The following RYR2 variants were observed in gnomAD, a reference collection of about 807,000 sequenced individuals.
The protein encoded by RYR2 is ryanodine receptor 2.
Under a neutral mutation model 601.1 loss-of-function variants are expected in RYR2, and 227 were observed. That is an observed-to-expected ratio of 0.38 (90% CI 0.34 to 0.42). The LOEUF (loss-of-function observed/expected upper bound fraction) is 0.42. RYR2 is among the 10% of genes least tolerant of loss of function. RYR2 has a pLI of 1.00. For missense variants in RYR2, 4,646 were observed against 6,156.5 expected (o/e 0.75, Z 8.21); for synonymous variants, 2,223 against 2,175.1 (o/e 1.02, Z -0.61).
At chr1:237,638,249 G>C (rs868011275) in intron 44 of RYR2, 108 bp from the exon 45 acceptor site, 1 of 1,463,086 alleles carries the variant, frequency 6.8e-7, no homozygotes, top group African/African-American at 1.4e-5. Flanking sequence ...TTGCAAAAAT[G>C]CATTTGTTTA....
At chr1:237,055,172 G>A (rs566342212) in intron 1 of RYR2, among the ~76,000 whole-genome samples, 13 of 152,256 alleles carry the variant, frequency 8.5e-5, no homozygotes, top group Admixed American at 5.9e-4. Context: ...ATGCGAAGGC[G>A]GGAAGCACGG....
chr1:237,595,324 A>T (rs1675772649), intron 33 of RYR2, among the ~76,000 whole-genome samples, 174 bp from the exon 34 acceptor site: 1 of 152,172 alleles, frequency 6.6e-6, no homozygotes, highest in South Asian at 2.1e-4. Flanking sequence ...CAGAACGTCC[A>T]CTGCAGTCAA....
chr1:237,420,222 T>G (rs1705415080), intron 11 of RYR2, among the ~76,000 whole-genome samples: 1 of 152,186 alleles, frequency 6.6e-6, no homozygotes, highest in Non-Finnish European at 1.5e-5. Context: ...CAGGCAAAAT[T>G]ATAGGGATAT....
chr1:237,069,556 G>T (rs1664055942), intron 1 of RYR2, among the ~76,000 whole-genome samples: 1 of 150,950 alleles, frequency 6.6e-6, no homozygotes, highest in South Asian at 2.1e-4. Context: ...TTTAACTTAA[G>T]AGAGAAATAT....
Position 237,127,280 on chromosome 1 carries a change from G to A in RYR2, c.48+84711G>A, listed in dbSNP as rs1045745116. Among the ~76,000 whole-genome samples the A allele has an allele frequency of 2.9e-3, 438 of 151,846 alleles. 6 individuals carry two copies. The highest frequency in any genetic ancestry group is 0.01 in the African/African-American group (421 of 41,370). On this transcript the variant is annotated intron_variant, in intron 1 of 104. Coordinates refer to ENST00000366574, the MANE Select transcript of RYR2 (RefSeq NM_001035.3). ...AAAGCCGCCATTGTCATCCTGGCCCGTTCTCAATGAGCTGTTGGGTACACC... is the reference window on the plus strand; with the variant it reads ...AAAGCCGCCATTGTCATCCTGGCCCATTCTCAATGAGCTGTTGGGTACACC...
chr1:237,749,729 A>G (rs1295520557), intron 80 of RYR2, among the ~76,000 whole-genome samples: 3 of 152,190 alleles, frequency 2.0e-5, no homozygotes, highest in African/African-American at 7.2e-5. Context: ...CAGTTTCTCT[A>G]ATTGCATAAG....
At position 237,434,308 on chromosome 1, in the gene RYR2, C is replaced by T. The variant is rs114151505; in HGVS notation, c.1006-7011C>T. On this transcript the variant is annotated intron_variant, in intron 12 of 104. Transcript: ENST00000366574. ...GTAATGTGAACATTCACCAGCCAGT[C>T]TCAAATACAGGATTTGAGGGAAGAA... Among the ~76,000 whole-genome samples the T allele has an allele frequency of 2.9e-3, 436 of 152,196 alleles. 5 individuals are homozygous for T. Among genetic ancestry groups the T allele is most frequent in the African/African-American group, 9.9e-3 (409 of 41,512 alleles).
intron 84 of RYR2, among the ~76,000 whole-genome samples, chr1:237,769,745 T>C (rs1694125010): frequency 6.6e-6 from 1 of 151,962 alleles, no homozygotes; most frequent in South Asian, 2.1e-4. Flanking sequence ...AGTTCTTTTT[T>C]TTTTTTTTTT....
Position 237,454,396 on chromosome 1 carries a change from T to A in RYR2, c.1298T>A (p.Leu433His). Residue 433 changes from leucine (L) to histidine (H), a missense_variant, in exon 15 of 105, where the codon CTT (leucine) becomes CAT (histidine). Coordinates refer to ENST00000366574, the MANE Select transcript of RYR2 (RefSeq NM_001035.3). ...ATGTTTATGGTTTATTTTAGGGGCC[T>A]TGATGCTCTCAGCAAGAAAGCGAAG... is the stretch of plus-strand genomic sequence containing the variant. Reference protein sequence around the residue: ...VFLFNRFIRGLDALSKKAKAS... With the variant: ...VFLFNRFIRGHDALSKKAKAS... 1 of 1,605,866 alleles carries A rather than the reference T, an allele frequency of 6.2e-7. No homozygotes were observed. The highest frequency in any genetic ancestry group is 8.5e-7 in the Non-Finnish European group (1 of 1,176,460).
At chr1:237,557,685 T>A (rs1007822675) in intron 27 of RYR2, among the ~76,000 whole-genome samples, 3 of 151,958 alleles carry the variant, frequency 2.0e-5, no homozygotes, top group African/African-American at 7.3e-5. Flanking sequence ...ATGAGGAGTG[T>A]TGGAGACCTT....
At chr1:237,516,289 T>TA (rs1666539565) in intron 24 of RYR2, among the ~76,000 whole-genome samples, 1 of 133,468 alleles carries the variant, frequency 7.5e-6, no homozygotes, top group Non-Finnish European at 1.7e-5. Context: ...TTTTCTTTCG[T>TA]ATTTTTTTTT....
rs1270925031 is a variant in RYR2, at chr1:237,610,278, T to C, written c.4684-484T>C. On this transcript the variant is annotated intron_variant, in intron 35 of 104. Transcript: ENST00000366574. This position sits in a 1 kb window ranked among gnomAD's most constrained non-coding sequence, Gnocchi z 4.9. Reference sequence around the variant, plus strand: ...CTTATTCGGTAGTCAGGTTTATCTGTTGAGCTTTATCTGGAATACTTCTGG... The same window carrying C: ...CTTATTCGGTAGTCAGGTTTATCTGCTGAGCTTTATCTGGAATACTTCTGG... Among the ~76,000 whole-genome samples, 2 of 152,182 alleles carry C rather than the reference T, an allele frequency of 1.3e-5. No homozygotes were observed. Among genetic ancestry groups the C allele is most frequent in the Non-Finnish European group, 2.9e-5 (2 of 68,040 alleles).
At chr1:237,240,621 T>C (rs1423216465) in intron 1 of RYR2, among the ~76,000 whole-genome samples, 1 of 91,352 alleles carries the variant, frequency 1.1e-5, no homozygotes, top group African/African-American at 4.1e-5. Context: ...ATTTTATATT[T>C]AAATATAATA....
intron 2 of RYR2, among the ~76,000 whole-genome samples, chr1:237,303,442 G>T (rs898105176): frequency 6.6e-6 from 1 of 151,490 alleles, no homozygotes; most frequent in Non-Finnish European, 1.5e-5. Context: ...TGGGATTACG[G>T]GTGCACGCCA....
intron 2 of RYR2, among the ~76,000 whole-genome samples, chr1:237,317,159 T>C (rs1695194510): frequency 2.0e-5 from 3 of 152,142 alleles, no homozygotes; most frequent in Admixed American, 1.3e-4. Flanking sequence ...AACTTCCAAT[T>C]CAAAGAAACA....
At chr1:237,409,483 C>A (rs1269444856) in intron 10 of RYR2, among the ~76,000 whole-genome samples, 1 of 151,986 alleles carries the variant, frequency 6.6e-6, no homozygotes, top group African/African-American at 2.4e-5. Flanking sequence ...ATCTTAATTA[C>A]CTTATGTATA....
chr1:237,791,953 G>A, intron 93 of RYR2, 152 bp from the exon 94 acceptor site: 2 of 626,602 alleles, frequency 3.2e-6, no homozygotes, highest in Non-Finnish European at 5.5e-6. Flanking sequence ...TTTTTGAAAA[G>A]CTATCGTTTT....
At chr1:237,278,244 T>TG (rs1690488998) in intron 2 of RYR2, among the ~76,000 whole-genome samples, 1 of 100,942 alleles carries the variant, frequency 9.9e-6, no homozygotes, top group Non-Finnish European at 2.2e-5. Context: ...CTAATTTTTG[T>TG]ATTTTTTTTT....
intron 2 of RYR2, among the ~76,000 whole-genome samples, chr1:237,294,064 T>C (rs990236655): frequency 6.6e-6 from 1 of 152,114 alleles, no homozygotes; most frequent in Non-Finnish European, 1.5e-5. Flanking sequence ...AAAGGATATT[T>C]TTACCTAGGA....
Sources: allele counts gnomAD v4.1 joint callset (sites outside exome capture counted in the v4.1 genomes callset), GRCh38; gene constraint gnomAD v4.1.1; non-coding constraint Gnocchi (gnomAD v3.1); transcripts MANE v1.5; gene names NCBI Gene and HGNC (gene_info 2026-07-23, HGNC 2026-07-21).